The following BMPR2 variants were observed in gnomAD, a reference collection of about 807,000 sequenced individuals.
The protein encoded by BMPR2 is bone morphogenetic protein receptor type 2.
Under a neutral mutation model 100.8 loss-of-function variants are expected in BMPR2, and 29 were observed. That is an observed-to-expected ratio of 0.29 (90% CI 0.21 to 0.39). BMPR2 has a LOEUF of 0.39. Ranked by LOEUF, BMPR2 falls within the 10% of genes least tolerant of loss-of-function variation. The pLI is 1.00. For synonymous variants in BMPR2, 382 were observed against 442.3 expected, an observed-to-expected ratio of 0.86 and a Z score of 1.71; for missense variants, 1,011 against 1,274.5, an observed-to-expected ratio of 0.79 and a Z score of 3.15.
At chr2:202,471,590 C>A (rs1410131423) in intron 3 of BMPR2, among the ~76,000 whole-genome samples, 5 of 151,914 alleles carry the variant, frequency 3.3e-5, no homozygotes, top group African/African-American at 9.7e-5. Context: ...TCACACAAAC[C>A]CCAAATTAGG....
chr2:202,422,640 G>C, intron 1 of BMPR2, among the ~76,000 whole-genome samples: 1 of 151,610 alleles, frequency 6.6e-6, no homozygotes, highest in Admixed American at 6.6e-5. Flanking sequence ...TCCAGTGTCT[G>C]ATCTTCAGTG....
intron 3 of BMPR2, among the ~76,000 whole-genome samples, chr2:202,476,222 A>G (rs938498515): frequency 1.3e-5 from 2 of 151,942 alleles, no homozygotes; most frequent in African/African-American, 4.8e-5. Context: ...TATTTCAACA[A>G]CTGCAATTTT....
intron 3 of BMPR2, among the ~76,000 whole-genome samples, chr2:202,499,609 A>G (rs927997805): frequency 1.3e-5 from 2 of 152,224 alleles, no homozygotes; most frequent in Non-Finnish European, 2.9e-5. Context: ...GAGAGGCCTT[A>G]AGAAAATATA....
At chr2:202,459,886 C>T (rs751334811) in intron 1 of BMPR2, among the ~76,000 whole-genome samples, 29 of 152,250 alleles carry the variant, frequency 1.9e-4, no homozygotes, top group Non-Finnish European at 3.5e-4. Context: ...GTGTAATAAC[C>T]AGCATCTATA....
rs1692351533 is a variant in BMPR2, at chr2:202,467,600, A to G, written c.329A>G (p.Asn110Ser). Residue 110 changes from asparagine to serine, a missense_variant, in exon 3 of 13, where the codon AAT (asparagine) becomes AGT (serine). Around this residue, in one of 6 missense-constraint regions of BMPR2, gnomAD observed 355 missense variants for 455.3 expected, o/e 0.78. Coordinates refer to ENST00000374580, the MANE Select transcript of BMPR2 (RefSeq NM_001204.7). The stretch of plus-strand genomic sequence containing the variant: ...ACTACCACTCCTCCCTCAATTCAGA[A>G]TGGAACATACCGTTTCTGCTGTTGT... ...VVTTTPPSIQ[N>S]GTYRFCCCST... 6.3e-7 allele frequency: 1 copy of G among 1,598,304 alleles called. No individual in the cohort carries two copies. Among genetic ancestry groups the G allele is most frequent in the Non-Finnish European group, 8.6e-7 (1 of 1,165,598 alleles).
In BMPR2 at chr2:202,523,295, G is replaced by T. The variant is rs139595579; in HGVS notation, c.967+3094G>T. On this transcript the variant is annotated intron_variant, in intron 7 of 12. Transcript: ENST00000374580. ...ACATTATTGGTGGGAGTATAAATTA[G>T]TTCAGCCACTGTGGAAAGTAGTTTG... 2.0e-5 allele frequency among the ~76,000 whole-genome samples: 3 copies of T among 152,302 alleles called. No homozygotes were observed. The East Asian group carries it at 5.8e-4, about 29-fold the overall frequency.
chr2:202,506,703 A>G (rs1041136647), intron 3 of BMPR2, among the ~76,000 whole-genome samples: 1 of 152,014 alleles, frequency 6.6e-6, no homozygotes, highest in African/African-American at 2.4e-5. Context: ...GTTTGAGACC[A>G]GCCTGACCAA....
rs1206760943 is a variant in BMPR2, at chr2:202,434,060, A to G, written c.77-30749A>G. 1.3e-5 allele frequency among the ~76,000 whole-genome samples: 2 copies of G among 150,654 alleles called. 1 individual carries two copies. Among genetic ancestry groups the G allele is most frequent in the African/African-American group, 5.0e-5 (2 of 39,942 alleles). On this transcript the variant is annotated intron_variant, in intron 1 of 12. Coordinates refer to ENST00000374580, the MANE Select transcript of BMPR2 (RefSeq NM_001204.7). ...CAGCAAAAACAATAGCGAACATCACAGACATCTCAAGTGATTCAGCTTACA... is the reference window on the plus strand; with the variant it reads ...CAGCAAAAACAATAGCGAACATCACGGACATCTCAAGTGATTCAGCTTACA...
At chr2:202,453,781 C>G (rs1692034606) in intron 1 of BMPR2, among the ~76,000 whole-genome samples, 4 of 151,958 alleles carry the variant, frequency 2.6e-5, no homozygotes, top group Admixed American at 2.6e-4. Flanking sequence ...CTACAGTCAA[C>G]AATAATTTAT....
chr2:202,377,325 CCT>C lies in BMPR2; in HGVS notation c.-146_-145del, dbSNP rs1690170943. ...CGGCATGAAAGCTCTGCAGCTAGGTCCTCTCATCAGCCATTTGTCCTTTCAAA... is the reference window on the plus strand; with the variant it reads ...CGGCATGAAAGCTCTGCAGCTAGGTCCTCATCAGCCATTTGTCCTTTCAAA... On this transcript the variant is annotated 5_prime_UTR_variant, in exon 1 of 13. The change abolishes the stop of an existing upstream ORF in the 5' untranslated region. Transcript: ENST00000374580. 2.6e-6 allele frequency: 2 copies of C among 770,030 alleles called. No individual in the cohort carries two copies. The highest frequency in any genetic ancestry group is 4.7e-6 in the Non-Finnish European group (2 of 426,944). The allele number at this position is 770,030 out of a possible 1,614,324, so 47.7% of individuals were successfully genotyped here. A position where few individuals can be genotyped will look rare whatever the true frequency, so the allele number is the denominator to read the frequency against.
intron 3 of BMPR2, among the ~76,000 whole-genome samples, chr2:202,511,964 T>C (rs1172225153): frequency 1.3e-5 from 2 of 150,846 alleles, no homozygotes; most frequent in East Asian, 3.9e-4. Context: ...GAGTTTGCAG[T>C]GAGCTGAGAT....
At chr2:202,508,938 A>G (rs928036002) in intron 3 of BMPR2, among the ~76,000 whole-genome samples, 3 of 152,364 alleles carry the variant, frequency 2.0e-5, no homozygotes, top group Middle Eastern at 3.4e-3. Context: ...TTTTAATGAC[A>G]CATAAGGTAG....
At chr2:202,413,261 A>G (rs910082470) in intron 1 of BMPR2, among the ~76,000 whole-genome samples, 1 of 152,132 alleles carries the variant, frequency 6.6e-6, no homozygotes, top group Non-Finnish European at 1.5e-5. Context: ...ATATAGTGCT[A>G]AAGTGTTGTC....
At chr2:202,412,190 TC>T (rs1691025953) in intron 1 of BMPR2, among the ~76,000 whole-genome samples, 10 of 152,196 alleles carry the variant, frequency 6.6e-5, no homozygotes, top group Admixed American at 6.5e-4. Context: ...CGTATGTGTC[TC>T]TAATAATCTT....
At chr2:202,408,085 T>C (rs969967232) in intron 1 of BMPR2, among the ~76,000 whole-genome samples, 1 of 151,892 alleles carries the variant, frequency 6.6e-6, no homozygotes, top group African/African-American at 2.4e-5. Context: ...TGCCCGCCTC[T>C]GCCTCCCAAA....
chr2:202,412,561 C>T (rs373215550), intron 1 of BMPR2, among the ~76,000 whole-genome samples: 28 of 152,086 alleles, frequency 1.8e-4, no homozygotes, highest in African/African-American at 5.8e-4. Context: ...CCTCGTGATC[C>T]GCCCGCCTCG....
intron 1 of BMPR2, among the ~76,000 whole-genome samples, chr2:202,441,781 C>T (rs1691752519): frequency 6.8e-6 from 1 of 147,632 alleles, no homozygotes; most frequent in Non-Finnish European, 1.5e-5. Context: ...CGCCTGTAAT[C>T]CCAGCACTTT....
chr2:202,547,937 T>G (rs900502915), intron 10 of BMPR2, among the ~76,000 whole-genome samples: 3 of 150,768 alleles, frequency 2.0e-5, no homozygotes, highest in African/African-American at 7.3e-5. Context: ...TACAAAAAAT[T>G]AGCCGGACAT....
At chr2:202,499,745 G>C (rs1029930819) in intron 3 of BMPR2, among the ~76,000 whole-genome samples, 1 of 152,084 alleles carries the variant, frequency 6.6e-6, no homozygotes, top group African/African-American at 2.4e-5. Context: ...AAAATCTAGA[G>C]GCATTATTAA....
Sources: gnomAD v4.1 joint callset for allele counts (sites outside exome capture counted in the v4.1 genomes callset) on GRCh38, gnomAD v4.1.1 for gene constraint, gnomAD v4.1.1 regional missense constraint, MANE v1.5 for transcripts, NCBI Gene and HGNC (gene_info 2026-07-23, HGNC 2026-07-21) for gene names.